Variants in DMD observed in about 807,000 individuals in gnomAD.
DMD encodes mutant dystrophin.
A neutral mutation model predicts 330.1 loss-of-function variants in DMD; 63 were observed. That is an observed-to-expected ratio of 0.19 (90% CI 0.16 to 0.24). The LOEUF (loss-of-function observed/expected upper bound fraction) is 0.24. DMD is among the 10% of genes least tolerant of loss of function. The pLI is 1.00. For synonymous variants in DMD, 1,223 were observed against 959.8 expected (o/e 1.27, Z -5.07); for missense variants, 3,344 against 2,684.1 (o/e 1.25, Z -5.43).
At chrX:32,515,857 G>A (rs971326850) in intron 18 of DMD, among the ~76,000 whole-genome samples, 2 of 111,372 alleles carry the variant, frequency 1.8e-5, no homozygotes, top group African/African-American at 6.5e-5. Context: ...TGATTAGAAA[G>A]GTCCCCCAGA....
intron 45 of DMD, among the ~76,000 whole-genome samples, chrX:31,939,196 G>A (rs959994591): frequency 3.6e-5 from 4 of 111,588 alleles, no homozygotes; most frequent in Non-Finnish European, 5.7e-5. Flanking sequence ...CATACCCTCC[G>A]TAGGTCATTA....
At chrX:32,988,265 C>T (rs1167284288) in intron 2 of DMD, among the ~76,000 whole-genome samples, 3 of 111,564 alleles carry the variant, frequency 2.7e-5, no homozygotes, top group Non-Finnish European at 5.6e-5. Context: ...ATCAGCCACA[C>T]ACATGTGTTT....
chrX:31,314,566 C>T (rs191129233), intron 62 of DMD, among the ~76,000 whole-genome samples: 25 of 111,066 alleles, frequency 2.3e-4, no homozygotes, highest in Non-Finnish European at 3.0e-4. Context: ...GATCATTTGC[C>T]GAATGCCGAC....
At chrX:32,254,708 C>G (rs781188601) in intron 43 of DMD, among the ~76,000 whole-genome samples, 1 of 111,765 alleles carries the variant, frequency 8.9e-6, no homozygotes, top group African/African-American at 3.3e-5. Flanking sequence ...TAGATGTTAC[C>G]CACCATTGCA....
At chrX:33,036,970 G>A (rs752361627) in intron 1 of DMD, among the ~76,000 whole-genome samples, 2 of 111,129 alleles carry the variant, frequency 1.8e-5, no homozygotes, top group South Asian at 3.8e-4. Context: ...GAGGAACAGC[G>A]GAAGCCAATC....
In DMD at chrX:32,269,018, G is replaced by T. The variant is rs1205892512; in HGVS notation, c.6290+18511C>A. 5.5e-5 allele frequency among the ~76,000 whole-genome samples: 6 copies of T among 108,959 alleles called. No homozygotes were observed. The Admixed American group carries it at 6.0e-4, about 11-fold the overall frequency. The allele number at this position is 108,959 out of a possible 115,157, so 94.6% of individuals were successfully genotyped here. A position where few individuals can be genotyped will look rare whatever the true frequency, so the allele number is the denominator to read the frequency against. On this transcript the variant is annotated intron_variant, in intron 43 of 78. Transcript: ENST00000357033. ...TTGGTCACAGCCAATACCAGGGAAA[G>T]GCAGTCTCCCAATAGATAAAAACAC... is the stretch of plus-strand genomic sequence containing the variant.
intron 16 of DMD, among the ~76,000 whole-genome samples, chrX:32,553,795 A>C (rs767996810): frequency 5.4e-5 from 6 of 111,973 alleles, no homozygotes; most frequent in Non-Finnish European, 9.4e-5. Flanking sequence ...TGTTGGAGGA[A>C]GGGCCTGGTG....
chrX:32,757,643 G>A (rs755870573), intron 7 of DMD, among the ~76,000 whole-genome samples: 24 of 110,883 alleles, frequency 2.2e-4, no homozygotes, highest in African/African-American at 7.5e-4. Context: ...TTCTCTTCTT[G>A]CCTGTCTCCA....
At chrX:33,136,645 C>A (rs1240732977) in intron 1 of DMD, among the ~76,000 whole-genome samples, 1 of 110,313 alleles carries the variant, frequency 9.1e-6, no homozygotes, top group Non-Finnish European at 1.9e-5. Context: ...GCCAAGGGAA[C>A]TTGTTTGCCC....
chrX:32,305,750 C>G (rs1192202110), intron 42 of DMD, among the ~76,000 whole-genome samples: 1 of 111,162 alleles, frequency 9.0e-6, no homozygotes, highest in African/African-American at 3.3e-5. Flanking sequence ...CCCCAAAGGC[C>G]CTCCACAATC....
At chrX:31,888,668 A>G (rs2094190218) in intron 47 of DMD, among the ~76,000 whole-genome samples, 1 of 112,011 alleles carries the variant, frequency 8.9e-6, no homozygotes, top group African/African-American at 3.2e-5. Context: ...TATTTTTACA[A>G]CTGGTCTCGT....
chrX:31,420,111 A>C (rs2063285764), intron 60 of DMD, among the ~76,000 whole-genome samples: 1 of 112,242 alleles, frequency 8.9e-6, no homozygotes, highest in Admixed American at 9.5e-5. Flanking sequence ...GGTGTTTTCT[A>C]GAAAGTTGGG....
intron 62 of DMD, among the ~76,000 whole-genome samples, chrX:31,302,992 T>A (rs1274257700): frequency 2.7e-5 from 3 of 111,959 alleles, no homozygotes; most frequent in Non-Finnish European, 5.6e-5. Flanking sequence ...ACATTTTATC[T>A]TTGCTCAAAG....
At chrX:32,344,531 G>A (rs1324217671) in intron 39 of DMD, among the ~76,000 whole-genome samples, 1 of 110,886 alleles carries the variant, frequency 9.0e-6, no homozygotes, top group Non-Finnish European at 1.9e-5. Flanking sequence ...ACCTTCTGAG[G>A]AGTCAGATCG....
intron 3 of DMD, among the ~76,000 whole-genome samples, chrX:32,846,723 T>TAA (rs10564725): frequency 2.0e-3 from 107 of 53,567 alleles, no homozygotes; most frequent in African/African-American, 5.3e-3. Context: ...ACTTTAGATT[T>TAA]AAAAAAAAAA....
chrX:31,323,735 A>G, intron 61 of DMD, 77 bp from the exon 62 acceptor site: 1 of 922,331 alleles, frequency 1.1e-6, no homozygotes, highest in Non-Finnish European at 1.6e-6. Context: ...ATTAATCTCC[A>G]GAATTACAAT....
At chrX:31,335,665 C>G (rs748733716) in intron 61 of DMD, among the ~76,000 whole-genome samples, 1 of 112,198 alleles carries the variant, frequency 8.9e-6, no homozygotes, top group Non-Finnish European at 1.9e-5. Context: ...CACTACTTAT[C>G]CTGAACAAAA....
intron 48 of DMD, among the ~76,000 whole-genome samples, chrX:31,861,962 C>CACACAT (rs1472151968): frequency 9.2e-6 from 1 of 108,141 alleles, no homozygotes; most frequent in Non-Finnish European, 1.9e-5. Context: ...CACACACACA[C>CACACAT]ACACACACAC....
chrX:32,454,734 T>C lies in DMD; in HGVS notation c.3531A>G (p.Glu1177=), dbSNP rs751711333. The change falls in exon 26 of 79, where the codon GAA becomes GAG. Residue 1177 remains glutamate, a synonymous_variant. Transcript: ENST00000357033. ...CAAAATCTCTCTCAAGATACTCTTC[T>C]TCAGCTTGTGTCATCCATTCGTGCA... ...SEMHEWMTQA[E]EEYLERDFEY... 2.5e-6 allele frequency: 3 copies of C among 1,206,363 alleles called. No homozygotes were observed. Among genetic ancestry groups the C allele is most frequent in the South Asian group, 3.5e-5 (2 of 56,714 alleles).
Sources: gnomAD v4.1 joint callset for allele counts (sites outside exome capture counted in the v4.1 genomes callset) on GRCh38, gnomAD v4.1.1 for gene constraint, MANE v1.5 for transcripts, NCBI Gene and HGNC (gene_info 2026-07-23, HGNC 2026-07-21) for gene names.